PITPNB: variants seen among roughly 807,000 people sequenced by gnomAD.
The protein encoded by PITPNB is phosphatidylinositol transfer protein beta, also known as phosphatidylinositol transfer protein beta isoform.
In PITPNB, 16 loss-of-function variants were observed where a neutral mutation model predicts 45.9. The observed-to-expected ratio is 0.35, with a 90% confidence interval of 0.24 to 0.53. PITPNB has a LOEUF of 0.53. Ranked by LOEUF, PITPNB falls within the 20% of genes least tolerant of loss-of-function variation. PITPNB has a pLI of 0.93. For missense variants in PITPNB, 188 were observed against 330.5 expected (o/e 0.57, Z 3.34); for synonymous variants, 112 against 108.9 (o/e 1.03, Z -0.18).
At chr22:27,900,494 T>C (rs1366267640) in intron 3 of PITPNB, among the ~76,000 whole-genome samples, 1 of 152,234 alleles carries the variant, frequency 6.6e-6, no homozygotes, top group Non-Finnish European at 1.5e-5. Context: ...ACCATGTGAA[T>C]TCCAGCAATT....
chr22:27,910,241 CG>C (rs1405699807), intron 3 of PITPNB, among the ~76,000 whole-genome samples: 1 of 152,040 alleles, frequency 6.6e-6, no homozygotes, highest in Admixed American at 6.6e-5. Flanking sequence ...TGAGCCACCG[CG>C]CCTGGCCAAT....
chr22:27,899,171 T>C (rs1454256457), intron 3 of PITPNB, among the ~76,000 whole-genome samples: 4 of 152,250 alleles, frequency 2.6e-5, no homozygotes, highest in South Asian at 4.1e-4. Context: ...GTTTAGCACA[T>C]TGCACAGTAC....
chr22:27,906,276 G>T (rs1304581678), intron 3 of PITPNB, among the ~76,000 whole-genome samples: 1 of 152,166 alleles, frequency 6.6e-6, no homozygotes, highest in Non-Finnish European at 1.5e-5. Context: ...ACAGCCAAGG[G>T]TTTTTGTTCT....
At chr22:27,869,357 A>G (rs1433187065) in intron 8 of PITPNB, among the ~76,000 whole-genome samples, 1 of 152,234 alleles carries the variant, frequency 6.6e-6, no homozygotes, top group African/African-American at 2.4e-5. Context: ...TAAAAATAAA[A>G]GATATGTATC....
intron 8 of PITPNB, among the ~76,000 whole-genome samples, chr22:27,865,612 G>A (rs1934460458): frequency 6.6e-6 from 1 of 152,204 alleles, no homozygotes; most frequent in African/African-American, 2.4e-5. Context: ...ACCCAAAGAA[G>A]TTCCAGCGTC....
chr22:27,903,241 G>A (rs1352874908), intron 3 of PITPNB, among the ~76,000 whole-genome samples: 4 of 151,944 alleles, frequency 2.6e-5, no homozygotes. Context: ...AGGCCGAGGA[G>A]GGTAGATCAC....
rs575314232 is a variant in PITPNB, at chr22:27,917,825, A to G, written c.20+1347T>C. Among the ~76,000 whole-genome samples the G allele has an allele frequency of 3.3e-5, 5 of 152,336 alleles. No homozygotes were observed. In the South Asian group the frequency reaches 1.0e-3, roughly 32 times the overall value. ...AATTGTATTGGCATGTTGGATGGTG[A>G]TAAGTACTATGGAGACCGATAAAGC... On this transcript the variant is annotated intron_variant, in intron 1 of 11. Transcript: ENST00000335272.
intron 8 of PITPNB, among the ~76,000 whole-genome samples, chr22:27,863,796 T>C (rs536647603): frequency 6.6e-6 from 1 of 152,226 alleles, no homozygotes; most frequent in South Asian, 2.1e-4. Flanking sequence ...AGAGTACACA[T>C]ACGTGACTTC....
intron 7 of PITPNB, among the ~76,000 whole-genome samples, chr22:27,874,432 G>A (rs934730426): frequency 6.6e-6 from 1 of 152,148 alleles, no homozygotes; most frequent in African/African-American, 2.4e-5. Flanking sequence ...ACTGTCAAAG[G>A]AGGCGAAGGA....
At chr22:27,895,287 T>G (rs1319922704) in intron 6 of PITPNB, among the ~76,000 whole-genome samples, 1 of 152,108 alleles carries the variant, frequency 6.6e-6, no homozygotes, top group Non-Finnish European at 1.5e-5. Context: ...TATAGAGGAT[T>G]ACTAAGAAAA....
In PITPNB at chr22:27,918,692, T is replaced by C. The variant is rs568767309; in HGVS notation, c.20+480A>G. On this transcript the variant is annotated intron_variant, in intron 1 of 11. Coordinates refer to ENST00000335272, the MANE Select transcript of PITPNB (RefSeq NM_012399.5). The stretch of plus-strand genomic sequence containing the variant: ...CAAGGCGCCAGCGTCCCACCGCGAG[T>C]CCTGACACGAGGGCTGCCTTCAACC... 4.3e-4 allele frequency among the ~76,000 whole-genome samples: 65 copies of C among 151,386 alleles called. 1 individual carries two copies. In the East Asian group the frequency reaches 0.011, roughly 26 times the overall value.
At chr22:27,879,252 A>G (rs1414224446) in intron 7 of PITPNB, among the ~76,000 whole-genome samples, 1 of 152,238 alleles carries the variant, frequency 6.6e-6, no homozygotes, top group Non-Finnish European at 1.5e-5. Context: ...AAATTAATAG[A>G]GAAAGAGAAA....
intron 10 of PITPNB, among the ~76,000 whole-genome samples, chr22:27,855,620 G>A (rs1051754044): frequency 1.3e-4 from 20 of 152,194 alleles, no homozygotes; most frequent in Admixed American, 1.0e-3. Flanking sequence ...CCCCCACCCC[G>A]GAACCGGAGG....
intron 3 of PITPNB, among the ~76,000 whole-genome samples, chr22:27,899,776 T>C (rs1935541185): frequency 6.6e-6 from 1 of 152,182 alleles, no homozygotes; most frequent in Admixed American, 6.5e-5. Flanking sequence ...AAAATCCCTT[T>C]AAGTGTGGGT....
Position 27,852,273 on chromosome 22 carries a change from CA to C in PITPNB, c.*1428del, listed in dbSNP as rs1432182014. 1 of 152,104 alleles carries C rather than the reference CA, an allele frequency of 6.6e-6. No homozygotes were observed. The allele number at this position is 152,104 out of a possible 1,614,324, so 9.4% of individuals were successfully genotyped here. ...GTGTTTTAGGAGGGACAGGAGGTTA[CA>C]AAAGACAGTTTGTGACCTGAAGGCT... On this transcript the variant is annotated 3_prime_UTR_variant, in exon 12 of 12. Coordinates refer to ENST00000335272, the MANE Select transcript of PITPNB (RefSeq NM_012399.5).
intron 7 of PITPNB, among the ~76,000 whole-genome samples, chr22:27,891,355 C>A (rs1935272981): frequency 6.6e-6 from 1 of 152,208 alleles, no homozygotes; most frequent in South Asian, 2.1e-4. Context: ...CATCAAAAAG[C>A]CACATATACG....
At chr22:27,884,813 T>A (rs1274090135) in intron 7 of PITPNB, among the ~76,000 whole-genome samples, 1 of 152,152 alleles carries the variant, frequency 6.6e-6, no homozygotes, top group Non-Finnish European at 1.5e-5. Flanking sequence ...ATTATTAACA[T>A]GTAAAAAACA....
intron 8 of PITPNB, among the ~76,000 whole-genome samples, chr22:27,861,939 CATAAG>C (rs1934347137): frequency 6.6e-6 from 1 of 152,196 alleles, no homozygotes; most frequent in Non-Finnish European, 1.5e-5. Flanking sequence ...CAAATTGCCT[CATAAG>C]AGAAGAAAGT....
chr22:27,863,875 A>G (rs1046009507), intron 8 of PITPNB, among the ~76,000 whole-genome samples: 3 of 152,202 alleles, frequency 2.0e-5, no homozygotes, highest in African/African-American at 7.2e-5. Context: ...ATCAATTAAT[A>G]CTGGTAATTC....
Sources: gnomAD v4.1 joint callset for allele counts (sites outside exome capture counted in the v4.1 genomes callset) on GRCh38, gnomAD v4.1.1 for gene constraint, MANE v1.5 for transcripts, NCBI Gene and HGNC (gene_info 2026-07-23, HGNC 2026-07-21) for gene names.